PCSK5: variants seen among roughly 807,000 people sequenced by gnomAD.
PCSK5 encodes the protein prohormone convertase 5.
In PCSK5, 129 loss-of-function variants were observed where a neutral mutation model predicts 233.2. The ratio of observed to expected loss-of-function variants is 0.55; its 90% CI spans 0.48 to 0.64. The LOEUF (loss-of-function observed/expected upper bound fraction) is 0.64. PCSK5 is among the 30% of genes least tolerant of loss of function. The pLI, the probability that PCSK5 is intolerant of heterozygous loss-of-function variation, is 0.00. For synonymous variants in PCSK5, 825 were observed against 879.2 expected, an observed-to-expected ratio of 0.94 and a Z score of 1.09; for missense variants, 2,076 against 2,430.1, an observed-to-expected ratio of 0.85 and a Z score of 3.06.
intron 13 of PCSK5, among the ~76,000 whole-genome samples, chr9:76,172,589 G>A (rs1411437119): frequency 3.9e-5 from 6 of 152,138 alleles, no homozygotes; most frequent in African/African-American, 1.4e-4. Context: ...GTAAACTTTT[G>A]CATCCAAAAT....
chr9:76,033,201 C>T (rs1828719057), intron 5 of PCSK5, among the ~76,000 whole-genome samples: 1 of 152,150 alleles, frequency 6.6e-6, no homozygotes, highest in African/African-American at 2.4e-5. Flanking sequence ...ATATAGTCAG[C>T]ATTTTCCGCA....
chr9:76,316,027 G>C (rs1829019854), intron 30 of PCSK5, among the ~76,000 whole-genome samples: 1 of 144,770 alleles, frequency 6.9e-6, no homozygotes, highest in South Asian at 2.2e-4. Flanking sequence ...AGAGGGATCT[G>C]AAAAAGATTT....
intron 9 of PCSK5, among the ~76,000 whole-genome samples, chr9:76,114,464 A>G (rs1190996517): frequency 6.6e-6 from 1 of 152,124 alleles, no homozygotes; most frequent in African/African-American, 2.4e-5. Context: ...TTGTACCTTA[A>G]CTAATGGTTT....
chr9:75,971,023 A>G (rs1200498828), intron 2 of PCSK5, among the ~76,000 whole-genome samples: 1 of 152,046 alleles, frequency 6.6e-6, no homozygotes, highest in Admixed American at 6.6e-5. Context: ...CTATCAACCC[A>G]TCACCTAGGT....
intron 24 of PCSK5, among the ~76,000 whole-genome samples, chr9:76,250,790 G>A (rs971267233): frequency 2.0e-5 from 3 of 152,162 alleles, no homozygotes; most frequent in African/African-American, 7.2e-5. Context: ...CGGACTTTAC[G>A]TTAGTAATAA....
chr9:76,340,758 C>G (rs1049603592), intron 35 of PCSK5, among the ~76,000 whole-genome samples: 1 of 151,296 alleles, frequency 6.6e-6, no homozygotes, highest in Non-Finnish European at 1.5e-5. Context: ...TGTATCCTAC[C>G]TACTCTTTTA....
chr9:76,048,894 G>A (rs976409070), intron 5 of PCSK5, among the ~76,000 whole-genome samples: 5 of 152,186 alleles, frequency 3.3e-5, no homozygotes, highest in Non-Finnish European at 5.9e-5. Flanking sequence ...ACAGAATTCA[G>A]TGTCAATATA....
chr9:76,100,598 G>A (rs185319029), intron 8 of PCSK5, among the ~76,000 whole-genome samples: 145 of 152,338 alleles, frequency 9.5e-4, no homozygotes, highest in African/African-American at 3.4e-3. Context: ...TAGCCAGTGT[G>A]CATCCCATCC....
At chr9:76,335,248 A>G (rs1217156758) in intron 34 of PCSK5, among the ~76,000 whole-genome samples, 1 of 152,220 alleles carries the variant, frequency 6.6e-6, no homozygotes, top group Non-Finnish European at 1.5e-5. Flanking sequence ...TCTAAGTAGA[A>G]TGCAGACCAT....
intron 1 of PCSK5, among the ~76,000 whole-genome samples, chr9:75,904,388 A>G (rs1313314327): frequency 6.6e-6 from 1 of 152,256 alleles, no homozygotes; most frequent in Non-Finnish European, 1.5e-5. Context: ...TGCAAATCAT[A>G]TCTGAGGAAG....
At chr9:75,938,837 T>A (rs1587390260) in intron 2 of PCSK5, among the ~76,000 whole-genome samples, 1 of 152,046 alleles carries the variant, frequency 6.6e-6, no homozygotes, top group Admixed American at 6.5e-5. Context: ...GTGGATAGGG[T>A]GGGTGATTTG....
chr9:76,153,192 A>C (rs1347379911), intron 10 of PCSK5, among the ~76,000 whole-genome samples: 2 of 152,224 alleles, frequency 1.3e-5, no homozygotes, highest in Non-Finnish European at 2.9e-5. Context: ...TCCTTTATTG[A>C]AACAGAGCCT....
chr9:75,951,700 GA>G (rs1824864927), intron 2 of PCSK5, among the ~76,000 whole-genome samples: 1 of 151,146 alleles, frequency 6.6e-6, no homozygotes, highest in African/African-American at 2.4e-5. Context: ...ACTGTATATG[GA>G]AAATACTTGG....
intron 16 of PCSK5, 47 bp downstream of exon 16, chr9:76,181,638 T>G: frequency 7.1e-7 from 1 of 1,399,244 alleles, no homozygotes; most frequent in Non-Finnish European, 1.0e-6. Context: ...AATGTGGTGT[T>G]TTCATTTGAG....
At chr9:76,154,470 CTGAG>C (rs1044415868) in intron 10 of PCSK5, among the ~76,000 whole-genome samples, 1 of 152,146 alleles carries the variant, frequency 6.6e-6, no homozygotes, top group African/African-American at 2.4e-5. Context: ...GCCAGAGCAG[CTGAG>C]TGCAAGCATG....
chr9:76,058,040 G>C (rs779448262), intron 5 of PCSK5, among the ~76,000 whole-genome samples: 3 of 151,798 alleles, frequency 2.0e-5, no homozygotes, highest in Non-Finnish European at 4.4e-5. Context: ...GTAGAGACAG[G>C]GTCTTGGCAT....
chr9:76,109,528 T>C (rs1276655649), intron 9 of PCSK5, among the ~76,000 whole-genome samples: 2 of 151,964 alleles, frequency 1.3e-5, no homozygotes, highest in Non-Finnish European at 2.9e-5. Context: ...AAGGTCACTT[T>C]GGACTGCATA....
intron 30 of PCSK5, among the ~76,000 whole-genome samples, chr9:76,320,338 G>A (rs1288995014): frequency 6.6e-6 from 1 of 150,786 alleles, no homozygotes; most frequent in African/African-American, 2.4e-5. Context: ...GCTGAGGCAG[G>A]AGAATCGCTT....
intron 3 of PCSK5, among the ~76,000 whole-genome samples, chr9:76,005,886 C>T (rs967194094): frequency 6.6e-6 from 1 of 152,106 alleles, no homozygotes; most frequent in Non-Finnish European, 1.5e-5. Flanking sequence ...TGCTTTGTCA[C>T]TCAGGCTGGA....
Sources: allele counts gnomAD v4.1 joint callset (sites outside exome capture counted in the v4.1 genomes callset), GRCh38; gene constraint gnomAD v4.1.1; transcripts MANE v1.5; gene names NCBI Gene and HGNC (gene_info 2026-07-23, HGNC 2026-07-21).